Variants in ZPBP observed in about 807,000 individuals in gnomAD.
ZPBP encodes the protein zona pellucida-binding protein 1.
Under a neutral mutation model 44.8 loss-of-function variants are expected in ZPBP, and 26 were observed. That is an observed-to-expected ratio of 0.58 (90% CI 0.43 to 0.81). The LOEUF is 0.81. ZPBP is among the 30% of genes least tolerant of loss of function. The probability of loss-of-function intolerance (pLI) is 0.00; values close to 1 mark genes in which losing one functional copy is unlikely to be tolerated. For synonymous variants in ZPBP, 174 were observed against 153.2 expected (o/e 1.14, Z -1.00); for missense variants, 409 against 434.0 (o/e 0.94, Z 0.51).
At chr7:50,012,992 A>G (rs1798657788) in intron 6 of ZPBP, among the ~76,000 whole-genome samples, 2 of 151,942 alleles carry the variant, frequency 1.3e-5, no homozygotes, top group East Asian at 3.9e-4. Flanking sequence ...TGAAACAACT[A>G]GCAGGTGAAT....
chr7:49,899,583 T>C (rs1792596312), intron 2 of ZPBP, among the ~76,000 whole-genome samples: 1 of 151,936 alleles, frequency 6.6e-6, no homozygotes, highest in African/African-American at 2.4e-5. Flanking sequence ...CAGAGGGAGG[T>C]ATTATATAAT....
rs1363480621 is a variant in ZPBP, at chr7:50,044,119, GAACA to G, written c.488-12813_488-12810del. On this transcript the variant is annotated intron_variant, in intron 4 of 7. Coordinates refer to ENST00000046087, the MANE Select transcript of ZPBP (RefSeq NM_007009.3). ...TAAATAAGTTCTTTGGAACCAATGA[GAACA>G]AAGACACAACGTACCAGAATCTCTG... is the stretch of plus-strand genomic sequence containing the variant. 3.3e-5 allele frequency among the ~76,000 whole-genome samples: 5 copies of G among 152,118 alleles called. No homozygotes were observed. In the East Asian group the frequency reaches 9.6e-4, roughly 29 times the overall value.
chr7:50,040,485 G>T (rs1800024845), intron 4 of ZPBP, among the ~76,000 whole-genome samples: 1 of 152,198 alleles, frequency 6.6e-6, no homozygotes, highest in African/African-American at 2.4e-5. Context: ...CATTGGGACT[G>T]GTTAGGCAGT....
chr7:49,860,873 C>A (rs114513621), intron 2 of ZPBP, among the ~76,000 whole-genome samples: 443 of 152,320 alleles, frequency 2.9e-3, no homozygotes, highest in African/African-American at 0.01. Context: ...GGAAGGTGGC[C>A]ATCTGCGAGC....
rs373526367 is a variant in ZPBP, at chr7:49,880,394, ATGTT to A, written n.509+20720_509+20723del. ...AACTTTGGGTTTCTTTCATGTTACC[ATGTT>A]TGTTAGGCATTTGTAGCATTTTGTT... On this transcript the variant is annotated intron_variant and non_coding_transcript_variant, in intron 2 of 2. Coordinates refer to the ZPBP transcript ENST00000465922. 7.9e-5 allele frequency among the ~76,000 whole-genome samples: 12 copies of A among 151,892 alleles called. No individual in the cohort carries two copies. The East Asian group carries it at 2.3e-3, about 29-fold the overall frequency.
intron 4 of ZPBP, among the ~76,000 whole-genome samples, chr7:50,031,930 A>T (rs899007592): frequency 1.3e-5 from 2 of 152,198 alleles, no homozygotes; most frequent in Non-Finnish European, 2.9e-5. Context: ...TACAATACCA[A>T]AAGTCAGAAA....
At chr7:50,090,651 A>ACGCG (rs1562622792) in intron 1 of ZPBP, among the ~76,000 whole-genome samples, 2 of 151,170 alleles carry the variant, frequency 1.3e-5, no homozygotes, top group African/African-American at 2.4e-5. Context: ...ACACATGCAC[A>ACGCG]CACACACACA....
intron 6 of ZPBP, among the ~76,000 whole-genome samples, chr7:50,012,070 A>C (rs1798611848): frequency 6.6e-6 from 1 of 151,830 alleles, no homozygotes. Context: ...TAGAAAAAAA[A>C]CTGAAAATGA....
At chr7:50,063,559 C>T (rs1213358355) in intron 3 of ZPBP, among the ~76,000 whole-genome samples, 1 of 152,222 alleles carries the variant, frequency 6.6e-6, no homozygotes, top group Non-Finnish European at 1.5e-5. Context: ...AAGCAAGAAC[C>T]TACCAGTGAG....
the ZPBP span, among the ~76,000 whole-genome samples, chr7:49,843,708 T>C: frequency 6.6e-6 from 1 of 152,298 alleles, no homozygotes; most frequent in African/African-American, 2.4e-5. Flanking sequence ...CTGAGGTCTA[T>C]TAGAGACAAG....
chr7:50,066,223 G>A (rs1801493999), intron 3 of ZPBP, among the ~76,000 whole-genome samples: 1 of 150,648 alleles, frequency 6.6e-6, no homozygotes, highest in Admixed American at 6.6e-5. Context: ...TTTTATAGGA[G>A]AGAGGGTCTT....
intron 6 of ZPBP, among the ~76,000 whole-genome samples, chr7:50,009,943 G>T (rs927084092): frequency 3.3e-5 from 5 of 151,902 alleles, no homozygotes; most frequent in Admixed American, 2.6e-4. Flanking sequence ...ACACATAAAA[G>T]ATCTGTATAC....
intron 2 of ZPBP, among the ~76,000 whole-genome samples, chr7:50,085,255 T>A (rs1341629950): frequency 6.6e-6 from 1 of 152,094 alleles, no homozygotes; most frequent in African/African-American, 2.4e-5. Context: ...TTCTTCAAAG[T>A]CTTCAGAAGA....
At chr7:49,972,486 A>G (rs1454866243) in intron 7 of ZPBP, among the ~76,000 whole-genome samples, 4 of 152,072 alleles carry the variant, frequency 2.6e-5, no homozygotes, top group East Asian at 3.8e-4. Context: ...CATTTACAGT[A>G]ACATTAAAAA....
intron 2 of ZPBP, among the ~76,000 whole-genome samples, chr7:49,895,528 G>A (rs569851237): frequency 1.3e-5 from 2 of 152,242 alleles, no homozygotes; most frequent in South Asian, 4.1e-4. Context: ...GTTAAGCCAG[G>A]TTTATCAGCT....
intron 1 of ZPBP, among the ~76,000 whole-genome samples, chr7:49,925,826 A>G (rs113729720): frequency 6.6e-6 from 1 of 152,164 alleles, no homozygotes; most frequent in Non-Finnish European, 1.5e-5. Context: ...CTCCCTCTAA[A>G]ATAGGGCAGT....
At chr7:50,048,012 T>A (rs1298869363) in intron 4 of ZPBP, among the ~76,000 whole-genome samples, 2 of 152,076 alleles carry the variant, frequency 1.3e-5, no homozygotes, top group Non-Finnish European at 2.9e-5. Flanking sequence ...ACCAGAATAG[T>A]ATGGGAGGGT....
At chr7:49,904,340 G>GA (rs1237556533) in intron 1 of ZPBP, among the ~76,000 whole-genome samples, 2 of 152,180 alleles carry the variant, frequency 1.3e-5, no homozygotes, top group African/African-American at 2.4e-5. Flanking sequence ...GTAACTTTGG[G>GA]AAAAAAACTG....
chr7:49,889,361 A>G (rs1583761821), intron 2 of ZPBP, among the ~76,000 whole-genome samples: 1 of 152,232 alleles, frequency 6.6e-6, no homozygotes, highest in Non-Finnish European at 1.5e-5. Context: ...TAAAAATAAG[A>G]CAGTATAATT....
Sources: allele counts gnomAD v4.1 joint callset (sites outside exome capture counted in the v4.1 genomes callset), GRCh38; gene constraint gnomAD v4.1.1; transcripts MANE v1.5; gene names NCBI Gene and HGNC (gene_info 2026-07-23, HGNC 2026-07-21).